The following CACNA1C variants were observed in gnomAD, a reference collection of about 807,000 sequenced individuals.
The protein encoded by CACNA1C is calcium voltage-gated channel subunit alpha1 C.
CACNA1C carries 30 observed loss-of-function variants against 229.0 expected under a neutral mutation model. The ratio of observed to expected loss-of-function variants is 0.13; its 90% confidence interval spans 0.10 to 0.18. The LOEUF is 0.18. CACNA1C is among the 10% of genes least tolerant of loss of function. CACNA1C has a pLI of 1.00. For synonymous variants in CACNA1C, 1,114 were observed against 1,132.5 expected (o/e 0.98, Z 0.33); for missense variants, 1,658 against 2,845.0 (o/e 0.58, Z 9.49).
chr12:2,118,905 G>A (rs937487915), intron 2 of CACNA1C, among the ~76,000 whole-genome samples: 1 of 152,162 alleles, frequency 6.6e-6, no homozygotes, highest in Admixed American at 6.5e-5. Context: ...TTGATATCAA[G>A]GTGGACATAG....
intron 3 of CACNA1C, among the ~76,000 whole-genome samples, chr12:2,384,846 T>C (rs1349421204): frequency 2.0e-5 from 3 of 152,212 alleles, no homozygotes; most frequent in Non-Finnish European, 2.9e-5. Flanking sequence ...CTCCTTGGCT[T>C]AGCAAATCTT....
rs2096927607 is a variant in CACNA1C, at chr12:2,678,319, G to A, written c.5091+452G>A. Among the ~76,000 whole-genome samples, 1 of 152,206 alleles carries A rather than the reference G, an allele frequency of 6.6e-6. No homozygotes were observed. The highest frequency in any genetic ancestry group is 1.5e-5 in the Non-Finnish European group (1 of 68,046). On this transcript the variant is annotated intron_variant, in intron 41 of 46. Transcript: ENST00000399655. The surrounding 1 kb of genome is among the most constrained non-coding windows in gnomAD (Gnocchi z 4.1). Reference sequence around the variant, plus strand: ...CAGGGCAGCAGAGGGCCGGAGCCTAGAGGCGGTGGCCCTTTGAGATGGAGC... The same window carrying A: ...CAGGGCAGCAGAGGGCCGGAGCCTAAAGGCGGTGGCCCTTTGAGATGGAGC...
At position 2,674,618 on chromosome 12, in the gene CACNA1C, G is replaced by T; in HGVS notation, c.4804G>T (p.Asp1602Tyr). ...GAAGCGGACCAGCATGAAGCTGCTG[G>T]ACCAGGTGGTGCCCCCTGCAGGTGG... ...IWKRTSMKLL[D>Y]QVVPPAGDDE... Residue 1602 changes from aspartate (D) to tyrosine (Y), a missense_variant, in exon 39 of 47, where the codon GAC becomes TAC. By Grantham distance (160) the Asp-to-Tyr change is radical. Around this residue, in one of 20 missense-constraint regions of CACNA1C, gnomAD observed 151 missense variants for 344.4 expected, o/e 0.44. Coordinates refer to ENST00000399655, the MANE Select transcript of CACNA1C (RefSeq NM_000719.7). The T allele has an allele frequency of 6.4e-7, 1 of 1,571,578 alleles. No individual in the cohort carries two copies. Among genetic ancestry groups the T allele is most frequent in the Non-Finnish European group, 8.6e-7 (1 of 1,158,138 alleles).
intron 45 of CACNA1C, among the ~76,000 whole-genome samples, chr12:2,687,218 G>A (rs2097546898): frequency 6.6e-6 from 1 of 152,248 alleles, no homozygotes. Flanking sequence ...ACCATGGGCA[G>A]GGGCAGGAGG....
At chr12:2,170,845 G>C in intron 3 of CACNA1C, among the ~76,000 whole-genome samples, 1 of 152,340 alleles carries the variant, frequency 6.6e-6, no homozygotes, top group African/African-American at 2.4e-5. Flanking sequence ...TCTAGGGAGG[G>C]CACTCCAGGC....
chr12:2,547,476 C>T (rs957782787), intron 9 of CACNA1C: 1 of 779,710 alleles, frequency 1.3e-6, no homozygotes, highest in Non-Finnish European at 2.4e-6. Context: ...CATGCTTGAT[C>T]AGAAGAAAGG....
chr12:2,350,315 C>G (rs982247419), intron 3 of CACNA1C, among the ~76,000 whole-genome samples: 2 of 152,194 alleles, frequency 1.3e-5, no homozygotes, highest in African/African-American at 4.8e-5. Flanking sequence ...GGGCCAGATG[C>G]TGCTGAAGCC....
At chr12:2,009,973 G>A (rs920396964) in intron 1 of CACNA1C, among the ~76,000 whole-genome samples, 1 of 148,536 alleles carries the variant, frequency 6.7e-6, no homozygotes, top group Non-Finnish European at 1.5e-5. Context: ...ACAATGTACT[G>A]CAAATAGAAA....
intron 3 of CACNA1C, among the ~76,000 whole-genome samples, chr12:2,448,583 G>A (rs1317396662): frequency 1.3e-5 from 2 of 152,164 alleles, no homozygotes; most frequent in Non-Finnish European, 2.9e-5. Flanking sequence ...TCCAGGAGCT[G>A]TGCTTTATCC....
At position 2,029,980 on chromosome 12, in the gene CACNA1C, A is replaced by G. The variant is rs1258832128; in HGVS notation, c.139+58779A>G. Among the ~76,000 whole-genome samples the G allele has an allele frequency of 6.6e-6, 1 of 152,310 alleles. No homozygotes were observed. ...TACCTGGGTGTTGCACAGAGCCCACATGGCAGTGGAGAGGCTATCTCTTAT... is the reference window on the plus strand; with the variant it reads ...TACCTGGGTGTTGCACAGAGCCCACGTGGCAGTGGAGAGGCTATCTCTTAT... On this transcript the variant is annotated intron_variant, in intron 1 of 46. Transcript: ENST00000682462. The surrounding 1 kb of genome is among the most constrained non-coding windows in gnomAD (Gnocchi z 4.9).
rs1044477901 is a variant in CACNA1C at position 2,029,171 on chromosome 12, A to G, written c.139+57970A>G. Among the ~76,000 whole-genome samples, 1 of 152,212 alleles carries G rather than the reference A, an allele frequency of 6.6e-6. No individual in the cohort carries two copies. Among genetic ancestry groups the G allele is most frequent in the Non-Finnish European group, 1.5e-5 (1 of 68,026 alleles). ...GGCTTTTTCCAAAAGGGCAGGGGGC[A>G]GGGAAGGAGAGACTCCTGACACAGT... On this transcript the variant is annotated intron_variant, in intron 1 of 46. Transcript: ENST00000682462. The surrounding 1 kb of genome is among the most constrained non-coding windows in gnomAD (Gnocchi z 4.9).
At chr12:2,517,829 GAA>G (rs1357481172) in intron 9 of CACNA1C, among the ~76,000 whole-genome samples, 1 of 152,168 alleles carries the variant, frequency 6.6e-6, no homozygotes, top group Admixed American at 6.5e-5. Flanking sequence ...AAGCCATAAA[GAA>G]AAAGAGACAG....
chr12:2,495,198 G>C (rs200110882), intron 7 of CACNA1C, among the ~76,000 whole-genome samples: 1 of 152,212 alleles, frequency 6.6e-6, no homozygotes, highest in African/African-American at 2.4e-5. Context: ...ATTACACTTA[G>C]GGAAACTTAT....
Position 2,053,193 on chromosome 12 carries a change from G to A in CACNA1C, c.-370G>A, listed in dbSNP as rs560623614. 2.0e-4 allele frequency: 199 copies of A among 1,000,630 alleles called. 1 individual carries two copies. In the South Asian group the frequency reaches 3.8e-3, roughly 19 times the overall value. The allele number at this position is 1,000,630 out of a possible 1,614,324, so 62.0% of individuals were successfully genotyped here. On this transcript the variant is annotated 5_prime_UTR_variant, in exon 1 of 47. Coordinates refer to ENST00000399655, the MANE Select transcript of CACNA1C (RefSeq NM_000719.7). The surrounding 1 kb of genome is among the most constrained non-coding windows in gnomAD (Gnocchi z 5.8). ...GCCTCGGCCCCTGCCGGCCCAGGCGGGCCCCGCGCGCCCCCCGCCCCTCCT... is the reference window on the plus strand; with the variant it reads ...GCCTCGGCCCCTGCCGGCCCAGGCGAGCCCCGCGCGCCCCCCGCCCCTCCT...
chr12:2,644,165 C>G (rs544268401), intron 30 of CACNA1C, among the ~76,000 whole-genome samples: 1 of 152,180 alleles, frequency 6.6e-6, no homozygotes, highest in East Asian at 1.9e-4. Context: ...TTCAGAGGTG[C>G]GTGGAATCTT....
At chr12:2,419,740 G>T (rs1367749367) in intron 3 of CACNA1C, among the ~76,000 whole-genome samples, 2 of 152,184 alleles carry the variant, frequency 1.3e-5, no homozygotes, top group Non-Finnish European at 2.9e-5. Context: ...TTGAGGAATA[G>T]TGGTTGCAGC....
intron 3 of CACNA1C, among the ~76,000 whole-genome samples, chr12:2,420,144 TG>T (rs2098962963): frequency 6.7e-6 from 1 of 150,326 alleles, no homozygotes; most frequent in East Asian, 1.9e-4. Context: ...TGTGTGTGTG[TG>T]TGTAGGGGGA....
intron 31 of CACNA1C, among the ~76,000 whole-genome samples, chr12:2,650,725 A>C (rs2094868775): frequency 6.6e-6 from 1 of 152,174 alleles, no homozygotes; most frequent in Non-Finnish European, 1.5e-5. Context: ...CCCAGGTCCA[A>C]CAGCAGCAGC....
chr12:2,391,068 GGACGCAGT>G (rs1416168585), intron 3 of CACNA1C, among the ~76,000 whole-genome samples: 1 of 152,206 alleles, frequency 6.6e-6, no homozygotes, highest in African/African-American at 2.4e-5. Context: ...TGAGACGATA[GGACGCAGT>G]GACTGACGTG....
Sources: gnomAD v4.1 joint callset for allele counts (sites outside exome capture counted in the v4.1 genomes callset) on GRCh38, gnomAD v4.1.1 for gene constraint, gnomAD v4.1.1 regional missense constraint, Gnocchi (gnomAD v3.1) non-coding constraint, MANE v1.5 for transcripts, NCBI Gene and HGNC (gene_info 2026-07-23, HGNC 2026-07-21) for gene names.